Variants in CATSPERG observed in about 807,000 individuals in gnomAD.
The protein encoded by CATSPERG is catsper channel auxiliary subunit gamma.
Under a neutral mutation model 145.0 loss-of-function variants are expected in CATSPERG, and 115 were observed. That is an observed-to-expected ratio of 0.79 (90% confidence interval 0.68 to 0.93). CATSPERG has a LOEUF of 0.93. CATSPERG is among the 40% of genes least tolerant of loss of function. The pLI, the probability that CATSPERG is intolerant of heterozygous loss-of-function variation, is 0.00. For synonymous variants in CATSPERG, 588 were observed against 589.0 expected, an observed-to-expected ratio of 1.00 and a Z score of 0.02; for missense variants, 1,296 against 1,490.1, an observed-to-expected ratio of 0.87 and a Z score of 2.14.
chr19:38,370,200 T>C lies in CATSPERG; in HGVS notation c.3155T>C (p.Phe1052Ser), dbSNP rs968767923. The C allele has an allele frequency of 6.2e-7, 1 of 1,613,904 alleles. No individual in the cohort carries two copies. The highest frequency in any genetic ancestry group is 1.3e-5 in the African/African-American group (1 of 75,032). The change falls in exon 28 of 29, where the codon TTC (phenylalanine) becomes TCC (serine). Residue 1052 changes from phenylalanine to serine, a missense_variant. Phe to Ser is a radical substitution (Grantham distance 155). Transcript: ENST00000409235. Reference protein sequence around the residue: ...TSTYCNYQLTFLLHIHGLPLS... With the variant: ...TSTYCNYQLTSLLHIHGLPLS... Reference sequence around the variant, plus strand: ...ACCTACTGCAACTACCAGCTCACCTTCCTGCTGCACATCCACGGGCTGCCA... The same window carrying C: ...ACCTACTGCAACTACCAGCTCACCTCCCTGCTGCACATCCACGGGCTGCCA...
chr19:38,361,957 G>T (rs1466564626), intron 17 of CATSPERG, 96 bp downstream of exon 17: 2 of 449,108 alleles, frequency 4.5e-6, no homozygotes, highest in Admixed American at 6.0e-5. Context: ...AGCGCAGCGG[G>T]ATTGGAGAAC....
rs1970251418 is a variant in CATSPERG at position 38,356,786 on chromosome 19, T to A, written c.1240T>A (p.Tyr414Asn). ...TTGGTCTGAATACATCGCGGGTGAG[T>A]ATACTCTACTGCTGCTGGTGGAGAG... Reference protein sequence around the residue: ...IIWSEYIAGEYTLLLLVESGY... With the variant: ...IIWSEYIAGENTLLLLVESGY... Residue 414 changes from tyrosine to asparagine, a missense_variant, in exon 11 of 29, where the codon TAT becomes AAT. Tyr to Asn is a moderately radical substitution (Grantham distance 143). Coordinates refer to ENST00000409235, the MANE Select transcript of CATSPERG (RefSeq NM_021185.5). The A allele has an allele frequency of 1.2e-6, 2 of 1,613,978 alleles. No homozygotes were observed. The highest frequency in any genetic ancestry group is 2.7e-5 in the African/African-American group (2 of 74,892).
At chr19:38,352,472 C>G in intron 8 of CATSPERG, 40 bp downstream of exon 8, 4 of 1,538,474 alleles carry the variant, frequency 2.6e-6, no homozygotes, top group Non-Finnish European at 3.5e-6. Flanking sequence ...GGGGAGGGCA[C>G]CCTGGTGAAC....
Position 38,354,836 on chromosome 19 carries a change from G to C in CATSPERG, c.1124G>C (p.Gly375Ala), listed in dbSNP as rs780387366. 1.7e-5 allele frequency: 28 copies of C among 1,613,894 alleles called. No individual in the cohort carries two copies. In the South Asian group the frequency reaches 3.0e-4, roughly 17 times the overall value. ...AAGCATGAGGGTTATGTACACTTCG[G>C]GACCATCAGAGGTAAGGGTGTGGGC... ...TGKHEGYVHF[G>A]TIRDGQVSFE... The change falls in exon 9 of 29, where the codon GGG (glycine) becomes GCG (alanine). Residue 375 changes from glycine (G) to alanine (A), a missense_variant. Physicochemically the swap from Gly to Ala is moderately conservative, Grantham distance 60. Coordinates refer to ENST00000409235, the MANE Select transcript of CATSPERG (RefSeq NM_021185.5).
In CATSPERG at chr19:38,352,154, A is replaced by T. The variant is rs563829005; in HGVS notation, c.826-107A>T. The T allele has an allele frequency of 3.6e-5, 41 of 1,140,946 alleles. No homozygotes were observed. The South Asian group carries it at 3.7e-4, about 10-fold the overall frequency. The allele number at this position is 1,140,946 out of a possible 1,614,324, so 70.7% of individuals were successfully genotyped here. A position where few individuals can be genotyped will look rare whatever the true frequency, so the allele number is the denominator to read the frequency against. ...AGGGAGAGCGCCCTGGGGCAGCTAC[A>T]TGTGTCCCTCCCAAGCAGCTGTCAG... is the stretch of plus-strand genomic sequence containing the variant. On this transcript the variant is annotated intron_variant, in intron 7 of 28. Coordinates refer to ENST00000409235, the MANE Select transcript of CATSPERG (RefSeq NM_021185.5).
chr19:38,340,742 C>G (rs1969924017), intron 3 of CATSPERG, among the ~76,000 whole-genome samples: 2 of 152,154 alleles, frequency 1.3e-5, no homozygotes, highest in Non-Finnish European at 2.9e-5. Flanking sequence ...GCCTCAGCCT[C>G]CCAAGTAGCA....
At chr19:38,341,466 A>T (rs1464957522) in intron 3 of CATSPERG, among the ~76,000 whole-genome samples, 2 of 152,146 alleles carry the variant, frequency 1.3e-5, no homozygotes, top group Admixed American at 6.5e-5. Flanking sequence ...AGTTGACAGG[A>T]TTGAAAAGAG....
At chr19:38,358,136 GAAACTC>G in intron 11 of CATSPERG, 136 bp from the exon 12 acceptor site, 1 of 730,048 alleles carries the variant, frequency 1.4e-6, no homozygotes, top group Non-Finnish European at 2.3e-6. Context: ...TAAAAGAAAA[GAAACTC>G]TAAGGACTAG....
In CATSPERG at chr19:38,365,022, C is replaced by T. The variant is rs575990303; in HGVS notation, c.2557-39C>T. 76 of 1,613,652 alleles carry T rather than the reference C, an allele frequency of 4.7e-5. 1 individual carries two copies. The South Asian group carries it at 7.7e-4, about 16-fold the overall frequency. ...GTGCAGGATGGTGGGAAAGCCTGGG[C>T]CGGCGGGGATCACCATCTTCACCTG... On this transcript the variant is annotated intron_variant, in intron 21 of 28. Coordinates refer to ENST00000409235, the MANE Select transcript of CATSPERG (RefSeq NM_021185.5).
chr19:38,356,850 G>A lies in CATSPERG; in HGVS notation c.1304G>A (p.Ser435Asn). ...GCAAGTAAACGTTTCCAGGTGGTCA[G>A]CTACAACACAGGTAATGAGGGTGAT... The part of the protein sequence containing the change: ...GNASKRFQVV[S>N]YNTASDDLEL... The change falls in exon 11 of 29, where the codon AGC becomes AAC. Residue 435 changes from serine (S) to asparagine (N), a missense_variant. Physicochemically the swap from Ser to Asn is conservative, Grantham distance 46. Transcript: ENST00000409235. 1 of 1,614,124 alleles carries A rather than the reference G, an allele frequency of 6.2e-7. No homozygotes were observed. The highest frequency in any genetic ancestry group is 8.5e-7 in the Non-Finnish European group (1 of 1,179,980).
At chr19:38,360,023 G>C (rs942202388) in intron 14 of CATSPERG, 2 of 985,196 alleles carry the variant, frequency 2.0e-6, no homozygotes, top group Non-Finnish European at 2.4e-6. Context: ...GAGGCTGGAG[G>C]GGATCCCCCA....
chr19:38,344,504 T>G, intron 6 of CATSPERG, 136 bp downstream of exon 6: 1 of 752,530 alleles, frequency 1.3e-6, no homozygotes, highest in South Asian at 1.6e-5. Context: ...ATCCCATTAA[T>G]CTCCCCAGTG....
In CATSPERG at chr19:38,368,044, A is replaced by G; in HGVS notation, c.2931-4A>G. On this transcript the variant is annotated splice_region_variant and splice_polypyrimidine_tract_variant and intron_variant, in intron 25 of 28. Transcript: ENST00000409235. ...CCTGGCTGAGATGACCTGGGCCTGC[A>G]CAGGACCAACAGCCTTATCTGGACC... 1 of 1,613,762 alleles carries G rather than the reference A, an allele frequency of 6.2e-7. No homozygotes were observed. The highest frequency in any genetic ancestry group is 1.3e-5 in the African/African-American group (1 of 75,008).
At chr19:38,360,688 G>A (rs1970329329) in intron 15 of CATSPERG, 41 bp downstream of exon 15, 1 of 1,614,040 alleles carries the variant, frequency 6.2e-7, no homozygotes. Flanking sequence ...GGCACCCCAG[G>A]AGGGCTGACC....
chr19:38,353,887 GA>G, intron 8 of CATSPERG, among the ~76,000 whole-genome samples: 1 of 148,832 alleles, frequency 6.7e-6, no homozygotes, highest in Middle Eastern at 3.5e-3. Context: ...AGCTTCTCAG[GA>G]GGCTGAGGCA....
At chr19:38,352,538 G>A (rs1568376059) in intron 8 of CATSPERG, 106 bp downstream of exon 8, 2 of 1,147,064 alleles carry the variant, frequency 1.7e-6, no homozygotes, top group African/African-American at 3.1e-5. Flanking sequence ...CATTGGGGAA[G>A]GAACTTGCCA....
intron 28 of CATSPERG, 63 bp downstream of exon 28, chr19:38,370,321 C>G: frequency 6.7e-7 from 1 of 1,486,130 alleles, no homozygotes; most frequent in Non-Finnish European, 9.3e-7. Flanking sequence ...CATACCTATG[C>G]TTGTTATACC....
intron 22 of CATSPERG, chr19:38,366,694 T>A (rs1600485303): frequency 6.5e-6 from 1 of 154,414 alleles, no homozygotes; most frequent in Non-Finnish European, 1.4e-5. Flanking sequence ...ACAGGCAGGC[T>A]CTCGGTCTTT....
intron 9 of CATSPERG, 24 bp downstream of exon 9, chr19:38,354,871 C>T (rs752244603): frequency 6.2e-7 from 1 of 1,610,212 alleles, no homozygotes; most frequent in African/African-American, 1.3e-5. Context: ...CCTCTGTCAG[C>T]CCCAGGGACC....
Sources: allele counts gnomAD v4.1 joint callset (sites outside exome capture counted in the v4.1 genomes callset), GRCh38; gene constraint gnomAD v4.1.1; transcripts MANE v1.5; gene names NCBI Gene and HGNC (gene_info 2026-07-23, HGNC 2026-07-21).